NALF1: variants seen among roughly 807,000 people sequenced by gnomAD.
NALF1 encodes family with sequence similarity 155 member A.
In NALF1, 3 loss-of-function variants were observed where a neutral mutation model predicts 48.4. The ratio of observed to expected loss-of-function variants is 0.06; its 90% CI spans 0.03 to 0.16. The LOEUF (loss-of-function observed/expected upper bound fraction) is 0.16. Among genes scored for constraint, NALF1 ranks in the 10% least tolerant of loss-of-function variants. The probability of loss-of-function intolerance (pLI) is 1.00; values close to 1 mark genes in which losing one functional copy is unlikely to be tolerated. For missense variants in NALF1, 526 were observed against 571.5 expected (o/e 0.92, Z 0.81); for synonymous variants, 262 against 245.7 (o/e 1.07, Z -0.62).
chr13:107,489,723 T>A (rs573568847), intron 1 of NALF1, among the ~76,000 whole-genome samples: 5 of 151,780 alleles, frequency 3.3e-5, no homozygotes, highest in African/African-American at 9.6e-5. Flanking sequence ...AAAGATTTAA[T>A]GATGAAGGTG....
chr13:107,759,776 T>C (rs953993268), intron 1 of NALF1, among the ~76,000 whole-genome samples: 20 of 152,022 alleles, frequency 1.3e-4, no homozygotes, highest in Non-Finnish European at 2.9e-4. Context: ...TGCTTTTTTT[T>C]TTTCTGGGAC....
chr13:107,537,646 G>T (rs932809182), intron 1 of NALF1, among the ~76,000 whole-genome samples: 6 of 152,078 alleles, frequency 3.9e-5, no homozygotes, highest in African/African-American at 1.4e-4. Flanking sequence ...CTGAGGATGT[G>T]GTCAGCTTCA....
At chr13:107,815,678 C>T (rs1230488113) in intron 1 of NALF1, among the ~76,000 whole-genome samples, 1 of 152,106 alleles carries the variant, frequency 6.6e-6, no homozygotes, top group Non-Finnish European at 1.5e-5. Flanking sequence ...ACACAAAAAC[C>T]TGTTCTTGGA....
At chr13:107,473,822 C>A (rs554276723) in intron 1 of NALF1, among the ~76,000 whole-genome samples, 1 of 152,274 alleles carries the variant, frequency 6.6e-6, no homozygotes, top group Non-Finnish European at 1.5e-5. Context: ...CAAGGGGAAA[C>A]AAAAGTGCGA....
chr13:107,290,581 G>A (rs1454950599), intron 1 of NALF1, among the ~76,000 whole-genome samples: 2 of 152,082 alleles, frequency 1.3e-5, no homozygotes, highest in Non-Finnish European at 2.9e-5. Flanking sequence ...TGCCATGATC[G>A]TGAGGCCTCC....
At chr13:107,723,613 G>A (rs1000492412) in intron 1 of NALF1, among the ~76,000 whole-genome samples, 1 of 152,156 alleles carries the variant, frequency 6.6e-6, no homozygotes, top group African/African-American at 2.4e-5. Context: ...GCAGGCCAGT[G>A]CATACTATAT....
At position 107,169,802 on chromosome 13, in the gene NALF1, C is replaced by T. The variant is rs2182957; in HGVS notation, c.*695G>A. 75,103 of 152,394 alleles carry T rather than the reference C, an allele frequency of 0.49. 18,632 individuals carry two copies. Among genetic ancestry groups the T allele is most frequent in the East Asian group, 0.56 (2,881 of 5,146 alleles). 9.4% of individuals were successfully genotyped at this position (152,394 alleles called of 1,614,324 possible). On this transcript the variant is annotated 3_prime_UTR_variant, in exon 3 of 3. Coordinates refer to ENST00000375915, the MANE Select transcript of NALF1 (RefSeq NM_001080396.3). ...TGTGCAACAGGGGCTCAGAGGCCCACCAAGCGTGCACACCCATTCACTGTG... is the reference window on the plus strand; with the variant it reads ...TGTGCAACAGGGGCTCAGAGGCCCATCAAGCGTGCACACCCATTCACTGTG...
intron 1 of NALF1, among the ~76,000 whole-genome samples, chr13:107,403,188 C>CTTTTTTTTTTTTTTTTT (rs10710356): frequency 3.5e-4 from 15 of 42,488 alleles, no homozygotes; most frequent in Non-Finnish European, 5.0e-4. Context: ...CTTGTTCGGG[C>CTTTTTTTTTTTTTTTTT]TTTTTTTTTT....
intron 1 of NALF1, among the ~76,000 whole-genome samples, chr13:107,764,343 CATA>C (rs1305769594): frequency 6.6e-6 from 1 of 151,902 alleles, no homozygotes; most frequent in Non-Finnish European, 1.5e-5. Context: ...CGTGATGTTG[CATA>C]ATGTTATAAC....
At chr13:107,343,075 CAT>C (rs1376786658) in intron 1 of NALF1, among the ~76,000 whole-genome samples, 2 of 152,170 alleles carry the variant, frequency 1.3e-5, no homozygotes, top group African/African-American at 4.8e-5. Context: ...GCAAAATACA[CAT>C]TTTTCTTAAG....
chr13:107,544,670 G>A (rs928978694), intron 1 of NALF1, among the ~76,000 whole-genome samples: 1 of 152,136 alleles, frequency 6.6e-6, no homozygotes, highest in Non-Finnish European at 1.5e-5. Flanking sequence ...AATCATCTCA[G>A]TGTAGCAGCT....
intron 1 of NALF1, among the ~76,000 whole-genome samples, chr13:107,468,626 G>C (rs929376347): frequency 6.6e-6 from 1 of 152,156 alleles, no homozygotes; most frequent in African/African-American, 2.4e-5. Flanking sequence ...TTAAAGCTCC[G>C]GATATAAAAT....
chr13:107,297,219 G>A (rs916952957), intron 1 of NALF1, among the ~76,000 whole-genome samples: 1 of 152,004 alleles, frequency 6.6e-6, no homozygotes, highest in African/African-American at 2.4e-5. Context: ...TAGGCTCTGT[G>A]GGAAAAGGAT....
chr13:107,545,329 C>T (rs887498143), intron 1 of NALF1, among the ~76,000 whole-genome samples: 5 of 152,196 alleles, frequency 3.3e-5, no homozygotes, highest in African/African-American at 1.2e-4. Flanking sequence ...GGGCAGGAAA[C>T]AAATTCTCCT....
intron 1 of NALF1, among the ~76,000 whole-genome samples, chr13:107,543,804 T>C (rs978848854): frequency 6.6e-6 from 1 of 151,946 alleles, no homozygotes; most frequent in African/African-American, 2.4e-5. Context: ...TACACATATA[T>C]ACCCACATAT....
intron 1 of NALF1, among the ~76,000 whole-genome samples, chr13:107,382,165 T>A (rs1883451796): frequency 6.6e-6 from 1 of 152,210 alleles, no homozygotes; most frequent in Non-Finnish European, 1.5e-5. Flanking sequence ...ATTTATAACA[T>A]TTGCTGCACA....
At chr13:107,453,049 C>T (rs1287585463) in intron 1 of NALF1, among the ~76,000 whole-genome samples, 1 of 152,202 alleles carries the variant, frequency 6.6e-6, no homozygotes, top group Admixed American at 6.5e-5. Context: ...TTTGGCTTTG[C>T]ATGGTACAAC....
intron 1 of NALF1, among the ~76,000 whole-genome samples, chr13:107,365,164 C>T (rs1053108413): frequency 5.3e-5 from 8 of 151,254 alleles, no homozygotes; most frequent in Non-Finnish European, 7.4e-5. Flanking sequence ...CCCTTGAAAA[C>T]GCTTACCAAT....
intron 1 of NALF1, among the ~76,000 whole-genome samples, chr13:107,376,244 T>G (rs1883336770): frequency 6.6e-6 from 1 of 152,168 alleles, no homozygotes; most frequent in Non-Finnish European, 1.5e-5. Context: ...CTTGCCCTAA[T>G]CAGGCCCCTG....
Sources: gnomAD v4.1 joint callset for allele counts (sites outside exome capture counted in the v4.1 genomes callset) on GRCh38, gnomAD v4.1.1 for gene constraint, MANE v1.5 for transcripts, NCBI Gene and HGNC (gene_info 2026-07-23, HGNC 2026-07-21) for gene names.